Variants in HLF observed in about 807,000 individuals in gnomAD.
HLF encodes HLF transcription factor, PAR bZIP family member, also known as hepatic leukemia factor.
In HLF, 3 loss-of-function variants were observed where a neutral mutation model predicts 22.6. The ratio of observed to expected loss-of-function variants is 0.13; its 90% CI spans 0.06 to 0.34. The LOEUF is 0.34. Among genes scored for constraint, HLF ranks in the 10% least tolerant of loss-of-function variants. HLF has a pLI of 1.00. For synonymous variants in HLF, 151 were observed against 151.8 expected (o/e 0.99, Z 0.04); for missense variants, 299 against 389.2 (o/e 0.77, Z 1.95).
chr17:55,285,340 A>G (rs2080994812), intron 2 of HLF, among the ~76,000 whole-genome samples: 1 of 152,168 alleles, frequency 6.6e-6, no homozygotes, highest in Non-Finnish European at 1.5e-5. Context: ...ACCAAGAAAG[A>G]GTAAACATTT....
intron 2 of HLF, among the ~76,000 whole-genome samples, chr17:55,303,442 C>T (rs180954928): frequency 3.0e-4 from 45 of 152,316 alleles, no homozygotes; most frequent in Non-Finnish European, 7.4e-5. Context: ...ACCCTTCTCC[C>T]ACCATAGTTC....
At position 55,273,937 on chromosome 17, in the gene HLF, T is replaced by G. The variant is rs114689315; in HGVS notation, c.451+5851T>G. On this transcript the variant is annotated intron_variant, in intron 2 of 3. Coordinates refer to ENST00000226067, the MANE Select transcript of HLF (RefSeq NM_002126.5). ...GCCAGACCCCAAACCTGGCCCTCTCTCCTGCCTGTCTGCCCAGAGGCCCTG... is the reference window on the plus strand; with the variant it reads ...GCCAGACCCCAAACCTGGCCCTCTCGCCTGCCTGTCTGCCCAGAGGCCCTG... Among the ~76,000 whole-genome samples, 421 of 152,232 alleles carry G rather than the reference T, an allele frequency of 2.8e-3. 1 individual carries two copies. The highest frequency in any genetic ancestry group is 9.7e-3 in the African/African-American group (401 of 41,540).
chr17:55,302,714 G>A (rs1904354487), intron 2 of HLF, among the ~76,000 whole-genome samples: 1 of 152,126 alleles, frequency 6.6e-6, no homozygotes, highest in African/African-American at 2.4e-5. Context: ...GAAAACTGCA[G>A]GTTTCAAATA....
chr17:55,285,276 C>G (rs755076114), intron 2 of HLF, among the ~76,000 whole-genome samples: 15 of 152,170 alleles, frequency 9.9e-5, no homozygotes, highest in Non-Finnish European at 1.9e-4. Flanking sequence ...TACCTTGGAT[C>G]CCAGGTATAT....
chr17:55,285,297 G>C (rs1291223325), intron 2 of HLF, among the ~76,000 whole-genome samples: 1 of 152,160 alleles, frequency 6.6e-6, no homozygotes, highest in Non-Finnish European at 1.5e-5. Flanking sequence ...CCAAAGTCTT[G>C]AGAGTGTCCA....
At chr17:55,293,183 C>CT (rs1223709013) in intron 2 of HLF, among the ~76,000 whole-genome samples, 2 of 152,204 alleles carry the variant, frequency 1.3e-5, no homozygotes, top group African/African-American at 4.8e-5. Context: ...CCCAGTTACT[C>CT]TGATTTGATC....
intron 2 of HLF, among the ~76,000 whole-genome samples, chr17:55,307,984 T>A (rs1292900414): frequency 6.6e-6 from 1 of 152,022 alleles, no homozygotes; most frequent in Non-Finnish European, 1.5e-5. Flanking sequence ...ATGCTTTAGG[T>A]AGAGAGGAAA....
At chr17:55,309,823 G>T (rs1904749113) in intron 2 of HLF, among the ~76,000 whole-genome samples, 1 of 152,172 alleles carries the variant, frequency 6.6e-6, no homozygotes, top group Admixed American at 6.5e-5. Flanking sequence ...AGAAAGATTG[G>T]AGGTGTTGCA....
In HLF at chr17:55,267,798, A is replaced by G. The variant is rs916151819; in HGVS notation, c.163A>G (p.Asn55Asp). 6.2e-7 allele frequency: 1 copy of G among 1,607,642 alleles called. No individual in the cohort carries two copies. The highest frequency in any genetic ancestry group is 8.5e-7 in the Non-Finnish European group (1 of 1,174,580). Residue 55 changes from asparagine (N) to aspartate (D), a missense_variant, in exon 2 of 4, where the codon AAC (asparagine) becomes GAC (aspartate). Coordinates refer to ENST00000226067, the MANE Select transcript of HLF (RefSeq NM_002126.5). ...DKEKKLDDESNSPTVPQSAFL... is the reference protein window; with the variant it reads ...DKEKKLDDESDSPTVPQSAFL... ...GGAAAAGAAGCTGGATGATGAGAGT[A>G]ACAGCCCGACGGTCCCCCAGTCGGC...
intron 2 of HLF, among the ~76,000 whole-genome samples, chr17:55,290,222 C>T (rs1406483272): frequency 6.6e-6 from 1 of 152,098 alleles, no homozygotes; most frequent in Non-Finnish European, 1.5e-5. Context: ...ATAGATCTAC[C>T]ATATGACCCA....
chr17:55,292,202 G>C (rs763058204), intron 2 of HLF, among the ~76,000 whole-genome samples: 4 of 152,208 alleles, frequency 2.6e-5, no homozygotes, highest in Non-Finnish European at 5.9e-5. Flanking sequence ...TTTTGAAAGA[G>C]GTTCTACTGT....
chr17:55,266,880 A>G, intron 1 of HLF: 2 of 811,280 alleles, frequency 2.5e-6, no homozygotes, highest in Non-Finnish European at 3.0e-6. Context: ...CATACTTCCA[A>G]CATAAATGTA....
chr17:55,300,568 A>G (rs1221996884), intron 2 of HLF, among the ~76,000 whole-genome samples: 2 of 152,194 alleles, frequency 1.3e-5, no homozygotes, highest in African/African-American at 4.8e-5. Context: ...TCACTCCACA[A>G]TATTCCCTAT....
intron 1 of HLF, among the ~76,000 whole-genome samples, chr17:55,267,168 T>C (rs773000663): frequency 1.3e-4 from 20 of 152,222 alleles, no homozygotes; most frequent in Non-Finnish European, 2.6e-4. Context: ...GAGGTAATTG[T>C]TATTTTGCAA....
At chr17:55,305,560 G>A (rs912418159) in intron 2 of HLF, among the ~76,000 whole-genome samples, 2 of 152,234 alleles carry the variant, frequency 1.3e-5, no homozygotes, top group Admixed American at 1.3e-4. Context: ...AAGAGCGTGG[G>A]CTATGGTTGA....
intron 3 of HLF, among the ~76,000 whole-genome samples, chr17:55,317,981 C>T (rs187722372): frequency 9.2e-5 from 14 of 152,266 alleles, no homozygotes; most frequent in Admixed American, 3.9e-4. Context: ...TGTGCCAACC[C>T]TCTAACCCTG....
intron 2 of HLF, among the ~76,000 whole-genome samples, chr17:55,313,244 G>C (rs1235746016): frequency 6.6e-6 from 1 of 152,192 alleles, no homozygotes; most frequent in Non-Finnish European, 1.5e-5. Context: ...CATTAAATGA[G>C]GAGCAGTCTT....
chr17:55,265,578 C>T lies in HLF; in HGVS notation c.94C>T (p.Leu32Phe). ...GTCCCTGCTGGAGAACCCGCTGAAG[C>T]TCCCCCTTCACCACGAAGACGGTGA... Reference protein sequence around the residue: ...LRSLLENPLKLPLHHEDAFSK... With the variant: ...LRSLLENPLKFPLHHEDAFSK... The change falls in exon 1 of 4, where the codon CTC (leucine) becomes TTC (phenylalanine). Residue 32 changes from leucine (L) to phenylalanine (F), a missense_variant. By Grantham distance (22) the Leu-to-Phe change is conservative. This residue lies in a region of HLF where 72 missense variants were observed against 74.0 expected (regional missense o/e 0.97). Coordinates refer to ENST00000226067, the MANE Select transcript of HLF (RefSeq NM_002126.5). 6.2e-7 allele frequency: 1 copy of T among 1,601,682 alleles called. No homozygotes were observed. Among genetic ancestry groups the T allele is most frequent in the Non-Finnish European group, 8.5e-7 (1 of 1,174,072 alleles).
chr17:55,280,260 A>G (rs1598392158), intron 2 of HLF, among the ~76,000 whole-genome samples: 1 of 152,218 alleles, frequency 6.6e-6, no homozygotes. Flanking sequence ...GAGTTATTGC[A>G]GGGAAGAAAG....
Sources: gnomAD v4.1 joint callset for allele counts (sites outside exome capture counted in the v4.1 genomes callset) on GRCh38, gnomAD v4.1.1 for gene constraint, gnomAD v4.1.1 regional missense constraint, MANE v1.5 for transcripts, NCBI Gene and HGNC (gene_info 2026-07-23, HGNC 2026-07-21) for gene names.